The following DAB1 variants were observed in gnomAD, a reference collection of about 807,000 sequenced individuals.
DAB1 encodes disabled homolog 1.
Under a neutral mutation model 64.6 loss-of-function variants are expected in DAB1, and 15 were observed. The observed-to-expected ratio is 0.23, with a 90% confidence interval of 0.16 to 0.36. The LOEUF (loss-of-function observed/expected upper bound fraction) is 0.36. Among genes scored for constraint, DAB1 ranks in the 10% least tolerant of loss-of-function variants. The pLI, the probability that DAB1 is intolerant of heterozygous loss-of-function variation, is 1.00. For missense variants in DAB1, 596 were observed against 706.7 expected (o/e 0.84, Z 1.78); for synonymous variants, 235 against 251.9 (o/e 0.93, Z 0.64).
intron 2 of DAB1, among the ~76,000 whole-genome samples, chr1:57,155,526 T>A (rs1193123590): frequency 6.6e-6 from 1 of 152,014 alleles, no homozygotes; most frequent in African/African-American, 2.4e-5. Flanking sequence ...ATAGTCTGAG[T>A]TTTTTGTGGT....
At chr1:57,532,699 C>G (rs544418940) in intron 7 of DAB1, among the ~76,000 whole-genome samples, 2 of 152,320 alleles carry the variant, frequency 1.3e-5, no homozygotes, top group African/African-American at 4.8e-5. Context: ...AGTCAAATAG[C>G]TCTTGCTGAA....
chr1:58,396,614 CAA>C (rs1335103612), intron 3 of DAB1, among the ~76,000 whole-genome samples: 2 of 151,256 alleles, frequency 1.3e-5, no homozygotes, highest in African/African-American at 4.9e-5. Context: ...CATGCAGAGA[CAA>C]AGAGAGAAGC....
intron 3 of DAB1, among the ~76,000 whole-genome samples, chr1:58,346,055 A>G (rs1013342417): frequency 2.0e-5 from 3 of 152,224 alleles, no homozygotes; most frequent in Admixed American, 1.3e-4. Flanking sequence ...CTCCATCACC[A>G]TCACTCAGAC....
rs535460580 is a variant in DAB1, at chr1:57,293,033, G to C, written c.-136-1867C>G. Among the ~76,000 whole-genome samples, 12 of 152,166 alleles carry C rather than the reference G, an allele frequency of 7.9e-5. No homozygotes were observed. The South Asian group carries it at 2.5e-3, about 32-fold the overall frequency. ...GCTTCTCAATAATTGTATGTAGAAT[G>C]AATGAATGAATGAATGAGTGGTTGT... On this transcript the variant is annotated intron_variant, in intron 1 of 14. Coordinates refer to ENST00000371236, the MANE Select transcript of DAB1 (RefSeq NM_001365792.1).
At chr1:58,321,929 T>C (rs1187196865) in intron 4 of DAB1, among the ~76,000 whole-genome samples, 1 of 152,206 alleles carries the variant, frequency 6.6e-6, no homozygotes, top group Non-Finnish European at 1.5e-5. Context: ...AGCATGGTGT[T>C]TGAGCTCTGA....
intron 5 of DAB1, among the ~76,000 whole-genome samples, chr1:58,076,406 A>G (rs1649646703): frequency 6.6e-6 from 1 of 152,142 alleles, no homozygotes; most frequent in Non-Finnish European, 1.5e-5. Context: ...AATAATTGGC[A>G]ACTATTATAA....
At chr1:58,531,248 A>C (rs191291720) in intron 1 of DAB1, among the ~76,000 whole-genome samples, 3 of 152,336 alleles carry the variant, frequency 2.0e-5, no homozygotes, top group Non-Finnish European at 2.9e-5. Flanking sequence ...AAACAAGAAA[A>C]AATTCAGAAA....
chr1:57,343,144 G>C (rs138648256), intron 1 of DAB1, among the ~76,000 whole-genome samples: 2 of 151,910 alleles, frequency 1.3e-5, no homozygotes, highest in Non-Finnish European at 2.9e-5. Context: ...GGTTCTCCAC[G>C]TCCCCACTAG....
intron 5 of DAB1, among the ~76,000 whole-genome samples, chr1:57,984,771 C>G (rs1215810526): frequency 6.6e-6 from 1 of 152,194 alleles, no homozygotes; most frequent in African/African-American, 2.4e-5. Flanking sequence ...TCTCTCTCCT[C>G]TTCTGTTTCT....
intron 5 of DAB1, among the ~76,000 whole-genome samples, chr1:58,077,428 G>A (rs1649724927): frequency 6.6e-6 from 1 of 152,212 alleles, no homozygotes; most frequent in African/African-American, 2.4e-5. Context: ...CCTAGATGAG[G>A]AGGAAAGAGG....
At chr1:57,430,126 C>T (rs1200918699) in intron 7 of DAB1, among the ~76,000 whole-genome samples, 4 of 152,088 alleles carry the variant, frequency 2.6e-5, no homozygotes, top group Admixed American at 2.0e-4. Context: ...AGCATGGGAT[C>T]GCTTTCTATT....
intron 7 of DAB1, among the ~76,000 whole-genome samples, chr1:57,489,421 C>T (rs1253383097): frequency 6.6e-6 from 1 of 152,124 alleles, no homozygotes; most frequent in Non-Finnish European, 1.5e-5. Context: ...ACATTAAAAC[C>T]ATCTCTGGGA....
At chr1:58,414,609 GT>G (rs144218339) in intron 3 of DAB1, among the ~76,000 whole-genome samples, 262 of 151,116 alleles carry the variant, frequency 1.7e-3, no homozygotes, top group African/African-American at 5.7e-3. Context: ...AAGCAATAAT[GT>G]TTTTTTTTCT....
At position 58,138,614 on chromosome 1, in the gene DAB1, T is replaced by C. The variant is rs544372324; in HGVS notation, n.387+11897A>G. Among the ~76,000 whole-genome samples the C allele has an allele frequency of 2.6e-5, 4 of 152,292 alleles. 1 individual carries two copies. The highest frequency in any genetic ancestry group is 1.3e-4 in the Admixed American group (2 of 15,294). ...TGGGTTGGGGGATTGTCATGGCACC[T>C]GACTTCAGTCTTATGAGCAATGAGG... On this transcript the variant is annotated intron_variant and non_coding_transcript_variant, in intron 5 of 20. Coordinates refer to the DAB1 transcript ENST00000485760.
intron 9 of DAB1, among the ~76,000 whole-genome samples, chr1:57,062,384 C>G (rs934285944): frequency 1.3e-5 from 2 of 152,174 alleles, no homozygotes; most frequent in African/African-American, 4.8e-5. Context: ...ATGGGCAGCT[C>G]TCTTTCCACA....
chr1:57,353,114 TACACACACACACACACAC>T (rs10572319), intron 1 of DAB1, among the ~76,000 whole-genome samples: 2 of 145,540 alleles, frequency 1.4e-5, no homozygotes, highest in Non-Finnish European at 3.0e-5. Context: ...TTTTTTTCCA[TACACACACACACACACAC>T]ACACACACAC....
At chr1:57,292,051 T>G (rs1672820244) in intron 1 of DAB1, among the ~76,000 whole-genome samples, 1 of 152,192 alleles carries the variant, frequency 6.6e-6, no homozygotes. Context: ...TATTAAAAAG[T>G]AAACATTTCA....
chr1:57,018,437 T>C (rs557455500), intron 11 of DAB1, among the ~76,000 whole-genome samples: 3 of 152,348 alleles, frequency 2.0e-5, no homozygotes, highest in Admixed American at 6.5e-5. Flanking sequence ...TATTACAAGT[T>C]CTCTTTCTTT....
At chr1:57,488,993 A>C (rs1644128173) in intron 7 of DAB1, among the ~76,000 whole-genome samples, 1 of 152,212 alleles carries the variant, frequency 6.6e-6, no homozygotes, top group Admixed American at 6.5e-5. Flanking sequence ...GAAAGTAAAA[A>C]CAAGGGCACA....
Sources: gnomAD v4.1 joint callset for allele counts (sites outside exome capture counted in the v4.1 genomes callset) on GRCh38, gnomAD v4.1.1 for gene constraint, MANE v1.5 for transcripts, NCBI Gene and HGNC (gene_info 2026-07-23, HGNC 2026-07-21) for gene names.